Variants in SLC39A10 observed in about 807,000 individuals in gnomAD.
SLC39A10 encodes solute carrier family 39 member 10.
SLC39A10 carries 13 observed loss-of-function variants against 65.1 expected under a neutral mutation model. The observed-to-expected ratio is 0.20, with a 90% CI of 0.13 to 0.32. SLC39A10 has a LOEUF of 0.32. Ranked by LOEUF, SLC39A10 falls within the 10% of genes least tolerant of loss-of-function variation. The probability of loss-of-function intolerance (pLI) is 1.00; values close to 1 mark genes in which losing one functional copy is unlikely to be tolerated. For missense variants in SLC39A10, 831 were observed against 1,018.4 expected (o/e 0.82, Z 2.50); for synonymous variants, 321 against 342.2 (o/e 0.94, Z 0.68).
chr2:195,694,874 G>A (rs1690882180), intron 3 of SLC39A10, among the ~76,000 whole-genome samples: 1 of 152,182 alleles, frequency 6.6e-6, no homozygotes, highest in Non-Finnish European at 1.5e-5. Flanking sequence ...TGTGGTTCTT[G>A]TCCTTCCTCG....
intron 2 of SLC39A10, among the ~76,000 whole-genome samples, chr2:195,625,489 C>A (rs1346583759): frequency 1.3e-5 from 2 of 151,954 alleles, no homozygotes; most frequent in Admixed American, 6.6e-5. Flanking sequence ...ATTGGTCAGG[C>A]TGATCTCGAA....
At chr2:195,667,747 G>C (rs142883445) in intron 1 of SLC39A10, among the ~76,000 whole-genome samples, 1 of 152,244 alleles carries the variant, frequency 6.6e-6, no homozygotes, top group Non-Finnish European at 1.5e-5. Flanking sequence ...GCACAACCGG[G>C]ATGAACTAGA....
intron 2 of SLC39A10, among the ~76,000 whole-genome samples, chr2:195,638,895 T>G (rs540040302): frequency 1.4e-3 from 210 of 152,238 alleles, no homozygotes; most frequent in African/African-American, 4.5e-3. Context: ...GAGTCCCTAG[T>G]CTCCTCTTGC....
chr2:195,698,084 T>C (rs1051874999), intron 3 of SLC39A10, among the ~76,000 whole-genome samples: 2 of 152,142 alleles, frequency 1.3e-5, no homozygotes, highest in Non-Finnish European at 2.9e-5. Flanking sequence ...TTTGCTGAAT[T>C]CATTCTAATA....
intron 5 of SLC39A10, among the ~76,000 whole-genome samples, chr2:195,711,019 A>T (rs1185894446): frequency 6.6e-6 from 1 of 152,184 alleles, no homozygotes; most frequent in East Asian, 1.9e-4. Flanking sequence ...AAAGATGATT[A>T]AGGGAATTAT....
At chr2:195,703,058 A>G (rs1399338634) in intron 3 of SLC39A10, among the ~76,000 whole-genome samples, 1 of 152,196 alleles carries the variant, frequency 6.6e-6, no homozygotes, top group Non-Finnish European at 1.5e-5. Flanking sequence ...AAACTGTTAG[A>G]GGCTCTGAAG....
chr2:195,727,438 T>TG (rs1692282727), intron 8 of SLC39A10, among the ~76,000 whole-genome samples: 1 of 152,320 alleles, frequency 6.6e-6, no homozygotes, highest in East Asian at 1.9e-4. Context: ...CAGATATTTA[T>TG]GTGCATCATT....
At chr2:195,712,824 A>C (rs1691647017) in intron 5 of SLC39A10, among the ~76,000 whole-genome samples, 1 of 152,220 alleles carries the variant, frequency 6.6e-6, no homozygotes, top group African/African-American at 2.4e-5. Context: ...ATAAGAAAGG[A>C]TGCTTGTCTT....
chr2:195,682,444 T>A (rs1365204782), intron 2 of SLC39A10, among the ~76,000 whole-genome samples: 3 of 152,160 alleles, frequency 2.0e-5, no homozygotes, highest in Admixed American at 2.0e-4. Flanking sequence ...TGCATTCATT[T>A]TATTATTATT....
chr2:195,680,229 T>C lies in SLC39A10; in HGVS notation c.187T>C (p.Tyr63His). 1 of 1,613,626 alleles carries C rather than the reference T, an allele frequency of 6.2e-7. No individual in the cohort carries two copies. The change falls in exon 2 of 10, where the codon TAT (tyrosine) becomes CAT (histidine). Residue 63 changes from tyrosine (Y) to histidine (H), a missense_variant. This residue lies in a region of SLC39A10 where 446 missense variants were observed against 499.2 expected (regional missense o/e 0.89). Transcript: ENST00000359634. ...AGCTGCTGAAAATGAAAAAAAATAC[T>C]ATATTGAAAAACTTTTTGAGCGTTA... is the stretch of plus-strand genomic sequence containing the variant. ...KQAAENEKKY[Y>H]IEKLFERYGE... is the part of the protein sequence containing the mutation.
intron 1 of SLC39A10, 83 bp from the exon 2 acceptor site, chr2:195,679,949 A>T: frequency 1.7e-6 from 2 of 1,207,726 alleles, no homozygotes; most frequent in African/African-American, 1.5e-5. Context: ...TTTTTAGTGG[A>T]TTGGCAACTT....
At chr2:195,685,675 C>T (rs1252370561) in intron 3 of SLC39A10, among the ~76,000 whole-genome samples, 1 of 152,162 alleles carries the variant, frequency 6.6e-6, no homozygotes, top group Non-Finnish European at 1.5e-5. Flanking sequence ...TCTGGGTAAA[C>T]TTAGTGACCA....
intron 2 of SLC39A10, among the ~76,000 whole-genome samples, chr2:195,646,727 G>A: frequency 6.6e-6 from 1 of 151,050 alleles, no homozygotes; most frequent in East Asian, 2.0e-4. Flanking sequence ...GAGCATTACC[G>A]CCTGAGCTTT....
chr2:195,726,279 A>G (rs1692237044), intron 8 of SLC39A10, among the ~76,000 whole-genome samples: 1 of 152,208 alleles, frequency 6.6e-6, no homozygotes, highest in African/African-American at 2.4e-5. Context: ...TTAAATTATA[A>G]AAGGAAGCAA....
intron 6 of SLC39A10, among the ~76,000 whole-genome samples, chr2:195,715,373 A>C (rs1054203166): frequency 6.6e-6 from 1 of 151,942 alleles, no homozygotes; most frequent in Non-Finnish European, 1.5e-5. Context: ...TAAGAATACA[A>C]AAATTAGCCG....
At chr2:195,618,572 A>G (rs1019776906) in intron 2 of SLC39A10, among the ~76,000 whole-genome samples, 3 of 152,204 alleles carry the variant, frequency 2.0e-5, no homozygotes, top group African/African-American at 7.2e-5. Context: ...GGCATGGCCA[A>G]TTTTTCATGG....
intron 3 of SLC39A10, among the ~76,000 whole-genome samples, chr2:195,687,716 A>G (rs2105782258): frequency 6.6e-6 from 1 of 152,274 alleles, no homozygotes; most frequent in Middle Eastern, 3.4e-3. Context: ...TTCTATATAA[A>G]TCTCCCATAG....
At chr2:195,679,575 G>T (rs1483719558) in intron 1 of SLC39A10, among the ~76,000 whole-genome samples, 3 of 152,152 alleles carry the variant, frequency 2.0e-5, no homozygotes, top group Admixed American at 1.3e-4. Flanking sequence ...GTCATAACAT[G>T]ATATAGCCAT....
intron 1 of SLC39A10, among the ~76,000 whole-genome samples, chr2:195,679,655 C>T (rs1417053646): frequency 6.6e-6 from 1 of 152,100 alleles, no homozygotes; most frequent in African/African-American, 2.4e-5. Flanking sequence ...TAATTTCTCT[C>T]TTTTCTATGT....
Sources: gnomAD v4.1 joint callset for allele counts (sites outside exome capture counted in the v4.1 genomes callset) on GRCh38, gnomAD v4.1.1 for gene constraint, gnomAD v4.1.1 regional missense constraint, MANE v1.5 for transcripts, NCBI Gene and HGNC (gene_info 2026-07-23, HGNC 2026-07-21) for gene names.